Variants in IL4R observed in about 807,000 individuals in gnomAD.
The protein encoded by IL4R is interleukin-4 receptor subunit alpha.
A neutral mutation model predicts 41.5 loss-of-function variants in IL4R; 17 were observed. The ratio of observed to expected loss-of-function variants is 0.41; its 90% CI spans 0.28 to 0.61. The LOEUF (loss-of-function observed/expected upper bound fraction) is 0.61, where lower values mean the gene tolerates loss of function less well. Ranked by LOEUF, IL4R falls within the 20% of genes least tolerant of loss-of-function variation. IL4R has a pLI of 0.31. For missense variants in IL4R, 974 were observed against 1,043.1 expected (o/e 0.93, Z 0.91); for synonymous variants, 402 against 422.9 (o/e 0.95, Z 0.61).
Position 27,363,733 on chromosome 16 carries a change from C to T in IL4R, c.2381C>T (p.Ser794Phe). The T allele has an allele frequency of 6.2e-7, 1 of 1,613,646 alleles. No individual in the cohort carries two copies. Among genetic ancestry groups the T allele is most frequent in the Non-Finnish European group, 8.5e-7 (1 of 1,180,028 alleles). Residue 794 changes from serine to phenylalanine, a missense_variant, in exon 11 of 11, where the codon TCC (serine) becomes TTC (phenylalanine). This residue lies in a region of IL4R where 682 missense variants were observed against 704.3 expected (regional missense o/e 0.97). Coordinates refer to ENST00000395762, the MANE Select transcript of IL4R (RefSeq NM_000418.4). ...TCAGAGAAGAGTAAATCCTCATCAT[C>T]CTTCCATCCTGCCCCTGGCAATGCT... ...GISEKSKSSSSFHPAPGNAQS... is the reference protein window; with the variant it reads ...GISEKSKSSSFFHPAPGNAQS...
At chr16:27,342,344 TG>T in intron 4 of IL4R, 85 bp downstream of exon 4, 1 of 1,524,400 alleles carries the variant, frequency 6.6e-7, no homozygotes, top group South Asian at 1.2e-5. Flanking sequence ...GGTGGTGCGC[TG>T]GAGTGCAGGA....
At chr16:27,342,311 G>A in intron 4 of IL4R, 52 bp downstream of exon 4, 1 of 1,608,966 alleles carries the variant, frequency 6.2e-7, no homozygotes, top group Non-Finnish European at 8.5e-7. Flanking sequence ...CAAAGGGTTT[G>A]CCCCAAGAGT....
rs1455791248 is a variant in IL4R, at chr16:27,345,753, C to T, written c.362-714C>T. Reference sequence around the variant, plus strand: ...TGGGAGGCCGAGCCCAGCGGATCACCGGAGGTCAGGAGTTCGAGACCAGCC... The same window carrying T: ...TGGGAGGCCGAGCCCAGCGGATCACTGGAGGTCAGGAGTTCGAGACCAGCC... On this transcript the variant is annotated intron_variant, in intron 5 of 10. Transcript: ENST00000395762. This position sits in a 1 kb window ranked among gnomAD's most constrained non-coding sequence, Gnocchi z 4.5. Among the ~76,000 whole-genome samples the T allele has an allele frequency of 1.3e-5, 2 of 150,658 alleles. No homozygotes were observed. The highest frequency in any genetic ancestry group is 2.4e-5 in the African/African-American group (1 of 40,932).
chr16:27,322,064 T>C (rs1446685094), intron 1 of IL4R, among the ~76,000 whole-genome samples: 2 of 151,728 alleles, frequency 1.3e-5, no homozygotes, highest in East Asian at 3.8e-4. Flanking sequence ...TTGATCAAGC[T>C]AGCTATTATA....
intron 3 of IL4R, among the ~76,000 whole-genome samples, chr16:27,340,498 G>C (rs1477209475): frequency 6.6e-6 from 1 of 152,162 alleles, no homozygotes; most frequent in African/African-American, 2.4e-5. Context: ...CGAGGCAGGA[G>C]GATCGCTTGA....
chr16:27,337,959 C>CTT (rs34463317), intron 2 of IL4R, among the ~76,000 whole-genome samples: 4 of 137,658 alleles, frequency 2.9e-5, no homozygotes, highest in Non-Finnish European at 6.3e-5. Context: ...TTTTCTTTTC[C>CTT]TTTTTTTTTT....
chr16:27,337,640 T>C (rs1310970402), intron 2 of IL4R, among the ~76,000 whole-genome samples: 1 of 151,068 alleles, frequency 6.6e-6, no homozygotes, highest in East Asian at 1.9e-4. Context: ...AGTGCAGTGG[T>C]GCCATCTCGG....
chr16:27,319,505 A>AC (rs1197401774), intron 1 of IL4R, among the ~76,000 whole-genome samples: 1 of 152,168 alleles, frequency 6.6e-6, no homozygotes, highest in Non-Finnish European at 1.5e-5. Context: ...AGATCGATCC[A>AC]CTTTTTTACA....
rs867037525 is a variant in IL4R at position 27,325,034 on chromosome 16, C to A, written c.-151-5032C>A. ...CTCAGCTCAGCCCGCTCCTCTCCTGCTTAAGAGCCTTCACTGGCTCCCCAC... is the reference window on the plus strand; with the variant it reads ...CTCAGCTCAGCCCGCTCCTCTCCTGATTAAGAGCCTTCACTGGCTCCCCAC... On this transcript the variant is annotated intron_variant, in intron 1 of 10. Transcript: ENST00000395762. Among the ~76,000 whole-genome samples, 23 of 152,284 alleles carry A rather than the reference C, an allele frequency of 1.5e-4. 1 individual carries two copies. The highest frequency in any genetic ancestry group is 5.3e-4 in the African/African-American group (22 of 41,566).
chr16:27,351,277 G>A (rs148818696), intron 6 of IL4R, among the ~76,000 whole-genome samples: 1 of 152,236 alleles, frequency 6.6e-6, no homozygotes, highest in Non-Finnish European at 1.5e-5. Context: ...AGCCATCAAG[G>A]CAGAGAGACT....
In IL4R at chr16:27,363,368, C is replaced by G; in HGVS notation, c.2016C>G (p.Ser672Arg). 3 of 1,614,116 alleles carry G rather than the reference C, an allele frequency of 1.9e-6. No homozygotes were observed. The highest frequency in any genetic ancestry group is 2.5e-6 in the Non-Finnish European group (3 of 1,180,006). The change falls in exon 11 of 11, where the codon AGC becomes AGG. Residue 672 changes from serine (S) to arginine (R), a missense_variant. Physicochemically the swap from Ser to Arg is moderately radical, Grantham distance 110 (BLOSUM62 -1). Transcript: ENST00000395762. The stretch of plus-strand genomic sequence containing the variant: ...GTCCGCAGAGCTCACATCTCCCAAG[C>G]AGCTCCCCAGAGCACCTGGGTCTGG... The part of the protein sequence containing the change: ...PRSPQSSHLP[S>R]SSPEHLGLEP...
chr16:27,316,801 T>C (rs780966906), intron 1 of IL4R, among the ~76,000 whole-genome samples: 7 of 152,214 alleles, frequency 4.6e-5, no homozygotes, highest in Non-Finnish European at 4.4e-5. Context: ...TATGAGATTA[T>C]AGTGACTATG....
intron 6 of IL4R, among the ~76,000 whole-genome samples, chr16:27,347,187 A>G (rs2085678273): frequency 6.6e-6 from 1 of 151,760 alleles, no homozygotes; most frequent in South Asian, 2.1e-4. Flanking sequence ...GTGTTGGTGG[A>G]GTTTTTGTTG....
In IL4R at chr16:27,345,209, G is replaced by A; in HGVS notation, c.361+189G>A. On this transcript the variant is annotated intron_variant, in intron 5 of 10. Transcript: ENST00000395762. This position sits in a 1 kb window ranked among gnomAD's most constrained non-coding sequence, Gnocchi z 4.5. ...GTCCTCCCACCTTTGAAACGGAGCT[G>A]GTCGCAGTAGACCACCAAGCCCCCT... The A allele has an allele frequency of 4.1e-6, 3 of 731,738 alleles. No individual in the cohort carries two copies. Among genetic ancestry groups the A allele is most frequent in the South Asian group, 1.5e-5 (1 of 67,466 alleles). The allele number at this position is 731,738 out of a possible 1,614,324, so 45.3% of individuals were successfully genotyped here. A position where few individuals can be genotyped will look rare whatever the true frequency, so the allele number is the denominator to read the frequency against.
chr16:27,363,249 C>A lies in IL4R; in HGVS notation c.1897C>A (p.Pro633Thr). 1 of 1,604,268 alleles carries A rather than the reference C, an allele frequency of 6.2e-7. No individual in the cohort carries two copies. The highest frequency in any genetic ancestry group is 8.5e-7 in the Non-Finnish European group (1 of 1,174,760). ...TAGCAGTGGGGAAGAGGGGTATAAG[C>A]CTTTCCAAGACCTCATTCCTGGCTG... is the stretch of plus-strand genomic sequence containing the variant. ...GASSGEEGYKPFQDLIPGCPG... is the reference protein window; with the variant it reads ...GASSGEEGYKTFQDLIPGCPG... The change falls in exon 11 of 11, where the codon CCT (proline) becomes ACT (threonine). Residue 633 changes from proline (P) to threonine (T), a missense_variant. Physicochemically the swap from Pro to Thr is conservative, Grantham distance 38. Coordinates refer to ENST00000395762, the MANE Select transcript of IL4R (RefSeq NM_000418.4).
At chr16:27,348,011 G>C (rs1402490013) in intron 6 of IL4R, among the ~76,000 whole-genome samples, 1 of 152,176 alleles carries the variant, frequency 6.6e-6, no homozygotes, top group Non-Finnish European at 1.5e-5. Context: ...TGTTCCTTGA[G>C]GTTTGTGAGG....
intron 6 of IL4R, among the ~76,000 whole-genome samples, chr16:27,349,744 GT>G (rs2085797605): frequency 6.6e-6 from 1 of 151,990 alleles, no homozygotes; most frequent in East Asian, 1.9e-4. Context: ...GCAGGGCTGA[GT>G]TTTTGTTGTT....
Position 27,314,027 on chromosome 16 carries a change from T to A in IL4R, c.-152+7T>A. On this transcript the variant is annotated splice_region_variant and intron_variant, in intron 1 of 10. Coordinates refer to ENST00000395762, the MANE Select transcript of IL4R (RefSeq NM_000418.4). ...ATGGAGCAGGGGCGCGCAGGTAGGA[T>A]CCGGGGCCCGCGCGCGGATCGGGTT... 1.0e-6 allele frequency: 1 copy of A among 984,094 alleles called. No individual in the cohort carries two copies. 61.0% of individuals were successfully genotyped at this position (984,094 alleles called of 1,614,324 possible).
chr16:27,360,842 C>CA, intron 10 of IL4R, 27 bp downstream of exon 10: 1 of 1,614,174 alleles, frequency 6.2e-7, no homozygotes, highest in Non-Finnish European at 8.5e-7. Context: ...AGGTCACAGC[C>CA]TGCATGCATT....
Sources: allele counts gnomAD v4.1 joint callset (sites outside exome capture counted in the v4.1 genomes callset), GRCh38; gene constraint gnomAD v4.1.1; regional missense constraint gnomAD v4.1.1; non-coding constraint Gnocchi (gnomAD v3.1); transcripts MANE v1.5; gene names NCBI Gene and HGNC (gene_info 2026-07-23, HGNC 2026-07-21).